The following COL23A1 variants were observed in gnomAD, a reference collection of about 807,000 sequenced individuals.
COL23A1 encodes collagen alpha-1(XXIII) chain.
A neutral mutation model predicts 99.3 loss-of-function variants in COL23A1; 97 were observed. The ratio of observed to expected loss-of-function variants is 0.98; its 90% confidence interval spans 0.83 to 1.16. COL23A1 has a LOEUF of 1.16. Among genes scored for constraint, COL23A1 ranks in the 50% most tolerant of loss-of-function variants. COL23A1 has a pLI of 0.00. For missense variants in COL23A1, 762 were observed against 757.4 expected (o/e 1.01, Z -0.07); for synonymous variants, 320 against 308.2 (o/e 1.04, Z -0.40).
intron 2 of COL23A1, among the ~76,000 whole-genome samples, chr5:178,375,288 A>T (rs1665727118): frequency 1.3e-5 from 2 of 152,160 alleles, no homozygotes; most frequent in Non-Finnish European, 2.9e-5. Context: ...GGGGGATAAT[A>T]GCTACAGGGC....
intron 12 of COL23A1, 51 bp downstream of exon 12, chr5:178,259,670 C>A: frequency 6.6e-7 from 1 of 1,520,400 alleles, no homozygotes; most frequent in Non-Finnish European, 9.0e-7. Flanking sequence ...GCCCTTCTCT[C>A]CAGCCACTTC....
chr5:178,364,225 G>A (rs531147125), intron 2 of COL23A1, among the ~76,000 whole-genome samples: 6 of 152,202 alleles, frequency 3.9e-5, no homozygotes, highest in Admixed American at 1.3e-4. Flanking sequence ...CTAAGCCCAC[G>A]TCCCTTGTAA....
chr5:178,257,004 G>A (rs924812260), intron 13 of COL23A1, 76 bp from the exon 14 acceptor site: 20 of 1,411,954 alleles, frequency 1.4e-5, no homozygotes, highest in Admixed American at 5.8e-5. Flanking sequence ...GGCGTGCCTC[G>A]GGGTTGCCTG....
chr5:178,305,392 C>G (rs991559228), intron 3 of COL23A1, among the ~76,000 whole-genome samples: 1 of 121,336 alleles, frequency 8.2e-6, no homozygotes, highest in Non-Finnish European at 1.8e-5. Flanking sequence ...AAACGTGCCA[C>G]TGCCTCCCCT....
intron 2 of COL23A1, among the ~76,000 whole-genome samples, chr5:178,388,927 T>A (rs1047218325): frequency 6.6e-6 from 1 of 152,210 alleles, no homozygotes; most frequent in Non-Finnish European, 1.5e-5. Flanking sequence ...GATTATACGA[T>A]AAGATTTCCC....
intron 1 of COL23A1, among the ~76,000 whole-genome samples, chr5:178,582,738 C>T (rs999958968): frequency 6.6e-6 from 1 of 152,220 alleles, no homozygotes; most frequent in Non-Finnish European, 1.5e-5. Flanking sequence ...GCTACATGCA[C>T]CTCACCATTC....
At chr5:178,499,297 T>C (rs1041020349) in intron 2 of COL23A1, among the ~76,000 whole-genome samples, 4 of 152,088 alleles carry the variant, frequency 2.6e-5, no homozygotes, top group African/African-American at 7.2e-5. Flanking sequence ...TCTCGCTGCC[T>C]GAAAAGGAGG....
chr5:178,562,431 G>A (rs1472852814), intron 1 of COL23A1, among the ~76,000 whole-genome samples: 1 of 151,172 alleles, frequency 6.6e-6, no homozygotes, highest in Non-Finnish European at 1.5e-5. Context: ...GCGGGCGCCT[G>A]TAGTCCCAGC....
intron 2 of COL23A1, among the ~76,000 whole-genome samples, chr5:178,406,428 CT>C (rs61274419): frequency 0.088 from 12,502 of 141,942 alleles, 815 homozygotes; most frequent in African/African-American, 0.19. Context: ...TACCTACACT[CT>C]TTTTTTTTTT....
chr5:178,258,630 C>T (rs568634647), intron 12 of COL23A1, among the ~76,000 whole-genome samples: 3 of 152,032 alleles, frequency 2.0e-5, no homozygotes, highest in East Asian at 3.9e-4. Flanking sequence ...CTCCTGACCT[C>T]GTGATCAGCC....
At position 178,340,716 on chromosome 5, in the gene COL23A1, C is replaced by G. The variant is rs1760604889; in HGVS notation, c.362-33797G>C. Among the ~76,000 whole-genome samples, 1 of 152,238 alleles carries G rather than the reference C, an allele frequency of 6.6e-6. No individual in the cohort carries two copies. The highest frequency in any genetic ancestry group is 1.5e-5 in the Non-Finnish European group (1 of 68,042). ...CGGGGATTCTAGTCCTCGGCCCTCC[C>G]AGGGGCAGTGAGGGAGTCTCACCGG... is the stretch of plus-strand genomic sequence containing the variant. On this transcript the variant is annotated intron_variant, in intron 2 of 28. Coordinates refer to ENST00000390654, the MANE Select transcript of COL23A1 (RefSeq NM_173465.4). This position sits in a 1 kb window ranked among gnomAD's most constrained non-coding sequence, Gnocchi z 4.7.
rs1158668021 is a variant in COL23A1 at position 178,467,365 on chromosome 5, C to T, written c.361+93317G>A. Among the ~76,000 whole-genome samples the T allele has an allele frequency of 3.3e-5, 5 of 152,338 alleles. No homozygotes were observed. In the South Asian group the frequency reaches 6.2e-4, roughly 19 times the overall value. ...TGGCCAGCAGCCTCTAAGTGACAAA[C>T]GCTCCCTGACTCTGCTCTGGGCCAC... On this transcript the variant is annotated intron_variant, in intron 2 of 28. Coordinates refer to ENST00000390654, the MANE Select transcript of COL23A1 (RefSeq NM_173465.4).
intron 2 of COL23A1, 40 bp downstream of exon 2, chr5:178,560,642 C>T (rs376721257): frequency 1.2e-5 from 19 of 1,581,720 alleles, no homozygotes; most frequent in Admixed American, 1.8e-5. Flanking sequence ...CAAACGGCGG[C>T]CGAACGCAGG....
chr5:178,553,311 A>C (rs895045211), intron 2 of COL23A1, among the ~76,000 whole-genome samples: 1 of 152,178 alleles, frequency 6.6e-6, no homozygotes, highest in African/African-American at 2.4e-5. Flanking sequence ...CATTTTCCAT[A>C]AACTATCAAC....
At chr5:178,358,456 T>A (rs1008301584) in intron 2 of COL23A1, among the ~76,000 whole-genome samples, 1 of 151,070 alleles carries the variant, frequency 6.6e-6, no homozygotes, top group South Asian at 2.1e-4. Flanking sequence ...TGTATATGTA[T>A]GCGTATGTGT....
chr5:178,465,758 G>T (rs558940628), intron 2 of COL23A1, among the ~76,000 whole-genome samples: 4 of 152,338 alleles, frequency 2.6e-5, no homozygotes, highest in African/African-American at 9.6e-5. Flanking sequence ...CAGAGTGATC[G>T]TGCTACACAC....
At position 178,523,177 on chromosome 5, in the gene COL23A1, T is replaced by TATATAC. The variant is rs1348442017; in HGVS notation, c.361+37504_361+37505insGTATAT. 1.7e-3 allele frequency among the ~76,000 whole-genome samples: 134 copies of TATATAC among 77,868 alleles called. 2 individuals carry two copies. Among genetic ancestry groups the TATATAC allele is most frequent in the Non-Finnish European group, 2.9e-3 (111 of 37,992 alleles). The allele number at this position is 77,868 out of a possible 152,430, so 51.1% of individuals were successfully genotyped here. A position where few individuals can be genotyped will look rare whatever the true frequency, so the allele number is the denominator to read the frequency against. On this transcript the variant is annotated intron_variant, in intron 2 of 28. Coordinates refer to ENST00000390654, the MANE Select transcript of COL23A1 (RefSeq NM_173465.4). ...ATATATATATACATATATATATATATACACATATATATATATATATATATA... is the reference window on the plus strand; with the variant it reads ...ATATATATATACATATATATATATATATATACACACATATATATATATATATATATA...
At chr5:178,349,083 G>T (rs536938600) in intron 2 of COL23A1, among the ~76,000 whole-genome samples, 1 of 152,158 alleles carries the variant, frequency 6.6e-6, no homozygotes, top group Admixed American at 6.5e-5. Flanking sequence ...CGGTAGAGCC[G>T]ACGAGGGCTT....
chr5:178,286,035 G>A (rs1458037509), intron 5 of COL23A1, among the ~76,000 whole-genome samples: 1 of 152,212 alleles, frequency 6.6e-6, no homozygotes, highest in Non-Finnish European at 1.5e-5. Context: ...TGCTCCTGGT[G>A]CTGGCGACGT....
Sources: gnomAD v4.1 joint callset for allele counts (sites outside exome capture counted in the v4.1 genomes callset) on GRCh38, gnomAD v4.1.1 for gene constraint, Gnocchi (gnomAD v3.1) non-coding constraint, MANE v1.5 for transcripts, NCBI Gene and HGNC (gene_info 2026-07-23, HGNC 2026-07-21) for gene names.